CACNB2: variants seen among roughly 807,000 people sequenced by gnomAD.
The protein encoded by CACNB2 is calcium voltage-gated channel auxiliary subunit beta 2, also known as voltage-dependent L-type calcium channel subunit beta-2.
Under a neutral mutation model 73.3 loss-of-function variants are expected in CACNB2, and 42 were observed. That is an observed-to-expected ratio of 0.57 (90% CI 0.45 to 0.74). The LOEUF (loss-of-function observed/expected upper bound fraction) is 0.74. Ranked by LOEUF, CACNB2 falls within the 30% of genes least tolerant of loss-of-function variation. CACNB2 has a pLI of 0.00. For synonymous variants in CACNB2, 348 were observed against 310.3 expected (o/e 1.12, Z -1.28); for missense variants, 940 against 853.0 (o/e 1.10, Z -1.27).
intron 2 of CACNB2, among the ~76,000 whole-genome samples, chr10:18,160,241 A>T (rs1444637539): frequency 6.6e-6 from 1 of 152,188 alleles, no homozygotes; most frequent in East Asian, 1.9e-4. Flanking sequence ...AGGTATTTGG[A>T]ACACTTTATA....
chr10:18,391,570 A>G (rs1047690711), intron 2 of CACNB2, among the ~76,000 whole-genome samples: 6 of 152,162 alleles, frequency 3.9e-5, no homozygotes, highest in African/African-American at 1.4e-4. Flanking sequence ...CGTGGGTGTT[A>G]TATCCTAATC....
chr10:18,388,834 A>T (rs1564494825), intron 2 of CACNB2, among the ~76,000 whole-genome samples: 1 of 152,224 alleles, frequency 6.6e-6, no homozygotes, highest in South Asian at 2.1e-4. Context: ...CTTGCCTGTC[A>T]TAATTCCCAT....
chr10:18,434,788 A>G (rs1191708744), intron 3 of CACNB2, among the ~76,000 whole-genome samples: 1 of 152,222 alleles, frequency 6.6e-6, no homozygotes, highest in Non-Finnish European at 1.5e-5. Flanking sequence ...TAAAACAGAA[A>G]AAAATAAATT....
intron 2 of CACNB2, among the ~76,000 whole-genome samples, chr10:18,376,173 G>A (rs989199391): frequency 6.6e-6 from 1 of 152,150 alleles, no homozygotes; most frequent in Non-Finnish European, 1.5e-5. Context: ...TAAAAAATCA[G>A]TTTCTGTCCT....
chr10:18,251,406 C>A lies in CACNB2; in HGVS notation c.213+100431C>A, dbSNP rs1166177960. ...GAGGTCACACACGCCTGCCACAACG[C>A]CCAGCCAATTTTTGTATTTTTAGTA... On this transcript the variant is annotated intron_variant, in intron 2 of 13. Transcript: ENST00000324631. 2.0e-5 allele frequency among the ~76,000 whole-genome samples: 3 copies of A among 152,092 alleles called. No individual in the cohort carries two copies. In the East Asian group the frequency reaches 5.8e-4, roughly 29 times the overall value.
intron 2 of CACNB2, among the ~76,000 whole-genome samples, chr10:18,165,515 C>T (rs926710446): frequency 6.6e-6 from 1 of 152,216 alleles, no homozygotes; most frequent in South Asian, 2.1e-4. Flanking sequence ...CAGGTTCAGG[C>T]GACTGTTGAG....
intron 2 of CACNB2, chr10:18,260,450 G>C (rs779834983): frequency 1.5e-5 from 15 of 985,178 alleles, no homozygotes; most frequent in African/African-American, 1.7e-5. Flanking sequence ...ATTTGCCAGC[G>C]AGCACCAAAC....
At chr10:18,317,752 T>C (rs1302241590) in intron 2 of CACNB2, among the ~76,000 whole-genome samples, 1 of 152,184 alleles carries the variant, frequency 6.6e-6, no homozygotes, top group East Asian at 1.9e-4. Flanking sequence ...ATCCATTCTT[T>C]CTTGAAAATT....
chr10:18,449,647 G>T (rs972511236), intron 3 of CACNB2, among the ~76,000 whole-genome samples: 2 of 152,204 alleles, frequency 1.3e-5, no homozygotes, highest in African/African-American at 4.8e-5. Flanking sequence ...AACTTGCTAA[G>T]TTCACAACTA....
At chr10:18,166,645 A>G (rs2032872392) in intron 2 of CACNB2, among the ~76,000 whole-genome samples, 4 of 152,198 alleles carry the variant, frequency 2.6e-5, no homozygotes, top group Admixed American at 2.0e-4. Flanking sequence ...TGTGAAGTCT[A>G]GTCCAGGACA....
At chr10:18,421,601 A>C (rs1040328909) in intron 3 of CACNB2, among the ~76,000 whole-genome samples, 2 of 152,114 alleles carry the variant, frequency 1.3e-5, no homozygotes, top group African/African-American at 4.8e-5. Context: ...TGCCTGGCCC[A>C]GTATGGTATT....
At chr10:18,429,125 A>G (rs2045752992) in intron 3 of CACNB2, among the ~76,000 whole-genome samples, 1 of 152,188 alleles carries the variant, frequency 6.6e-6, no homozygotes, top group South Asian at 2.1e-4. Context: ...AAGTCTCTTT[A>G]TGTGTCTGAA....
At chr10:18,143,286 A>G (rs1387685401) in intron 1 of CACNB2, among the ~76,000 whole-genome samples, 1 of 152,206 alleles carries the variant, frequency 6.6e-6, no homozygotes, top group African/African-American at 2.4e-5. Flanking sequence ...TCCAGAGGTG[A>G]AGCTGCCAGG....
intron 2 of CACNB2, among the ~76,000 whole-genome samples, chr10:18,191,104 A>G (rs1472660373): frequency 6.6e-6 from 1 of 152,232 alleles, no homozygotes; most frequent in East Asian, 1.9e-4. Flanking sequence ...GAGGAGAAGG[A>G]AAATAAATGG....
chr10:18,248,716 CT>C (rs1336094984), intron 2 of CACNB2, among the ~76,000 whole-genome samples: 1 of 152,188 alleles, frequency 6.6e-6, no homozygotes, highest in Non-Finnish European at 1.5e-5. Flanking sequence ...AATTTTATAT[CT>C]TTGTAACCAA....
intron 2 of CACNB2, among the ~76,000 whole-genome samples, chr10:18,355,702 TCTCGG>T (rs2041880340): frequency 1.3e-5 from 2 of 151,496 alleles, no homozygotes; most frequent in Non-Finnish European, 2.9e-5. Context: ...AGTGGCGCGA[TCTCGG>T]CTCGCTGCAA....
At chr10:18,257,441 T>C (rs2037330318) in intron 2 of CACNB2, 1 of 152,276 alleles carries the variant, frequency 6.6e-6, no homozygotes, top group Non-Finnish European at 1.5e-5. Flanking sequence ...CTGAATCTGG[T>C]GGAGAACTGA....
chr10:18,274,952 T>G (rs1360149948), intron 2 of CACNB2, among the ~76,000 whole-genome samples: 1 of 152,188 alleles, frequency 6.6e-6, no homozygotes, highest in African/African-American at 2.4e-5. Flanking sequence ...GAGCCATGAT[T>G]GACACTACAA....
intron 3 of CACNB2, among the ~76,000 whole-genome samples, chr10:18,466,069 AAC>A (rs759008221): frequency 6.6e-6 from 1 of 152,116 alleles, no homozygotes. Context: ...ACACTTGACA[AAC>A]ACATACAGGC....
Sources: gnomAD v4.1 joint callset for allele counts (sites outside exome capture counted in the v4.1 genomes callset) on GRCh38, gnomAD v4.1.1 for gene constraint, MANE v1.5 for transcripts, NCBI Gene and HGNC (gene_info 2026-07-23, HGNC 2026-07-21) for gene names.